Variants in DNAJC1 observed in about 807,000 individuals in gnomAD.
The protein encoded by DNAJC1 is DnaJ heat shock protein family (Hsp40) member C1.
Under a neutral mutation model 76.6 loss-of-function variants are expected in DNAJC1, and 58 were observed. That is an observed-to-expected ratio of 0.76 (90% CI 0.61 to 0.94). The LOEUF is 0.94. Among genes scored for constraint, DNAJC1 ranks in the 40% least tolerant of loss-of-function variants. DNAJC1 has a pLI of 0.00. For synonymous variants in DNAJC1, 258 were observed against 267.9 expected (o/e 0.96, Z 0.36); for missense variants, 689 against 677.3 (o/e 1.02, Z -0.19).
chr10:21,853,448 T>C (rs1835785915), intron 8 of DNAJC1, among the ~76,000 whole-genome samples: 2 of 152,132 alleles, frequency 1.3e-5, no homozygotes, highest in South Asian at 2.1e-4. Context: ...TTTATGGAAG[T>C]AGTCTGATAC....
intron 9 of DNAJC1, among the ~76,000 whole-genome samples, chr10:21,779,965 C>T (rs1270422984): frequency 3.3e-5 from 5 of 151,814 alleles, no homozygotes; most frequent in South Asian, 4.2e-4. Context: ...TTTCAGTAGC[C>T]GATTGGATCA....
intron 8 of DNAJC1, among the ~76,000 whole-genome samples, chr10:21,857,869 AC>A: frequency 6.6e-6 from 1 of 151,536 alleles, no homozygotes; most frequent in African/African-American, 2.4e-5. Flanking sequence ...AAACAAACAA[AC>A]AAACAAAAAA....
At chr10:21,761,230 T>C (rs1435320096) in intron 10 of DNAJC1, among the ~76,000 whole-genome samples, 1 of 152,128 alleles carries the variant, frequency 6.6e-6, no homozygotes. Context: ...TCTACAGTAA[T>C]GTTTCCTCTT....
chr10:21,859,188 A>G (rs912591530), intron 8 of DNAJC1, among the ~76,000 whole-genome samples: 6 of 152,296 alleles, frequency 3.9e-5, no homozygotes, highest in African/African-American at 1.2e-4. Context: ...CAAGAACTTA[A>G]GAAGGTTAAG....
intron 1 of DNAJC1, among the ~76,000 whole-genome samples, chr10:21,986,069 T>C (rs1162962435): frequency 6.6e-6 from 1 of 152,012 alleles, no homozygotes; most frequent in Admixed American, 6.6e-5. Flanking sequence ...CTACTAAAAA[T>C]ACAAAAAATT....
intron 1 of DNAJC1, among the ~76,000 whole-genome samples, chr10:21,974,422 C>T (rs1424529214): frequency 6.6e-6 from 1 of 152,146 alleles, no homozygotes; most frequent in Non-Finnish European, 1.5e-5. Context: ...ATTCTGGGTA[C>T]ATAATCCAGA....
At chr10:21,939,522 C>T (rs1837368360) in intron 1 of DNAJC1, among the ~76,000 whole-genome samples, 1 of 152,102 alleles carries the variant, frequency 6.6e-6, no homozygotes, top group South Asian at 2.1e-4. Flanking sequence ...AATCTTTTTA[C>T]TGTATTTTTA....
chr10:21,907,979 AATATATGAAAT>A lies in DNAJC1; in HGVS notation c.730-3378_730-3368del, dbSNP rs559480187. 8.7e-3 allele frequency among the ~76,000 whole-genome samples: 1,151 copies of A among 131,916 alleles called. 8 individuals carry two copies. The highest frequency in any genetic ancestry group is 0.018 in the African/African-American group (631 of 34,820). 86.5% of individuals were successfully genotyped at this position (131,916 alleles called of 152,430 possible). A position where few individuals can be genotyped will look rare whatever the true frequency, so the allele number is the denominator to read the frequency against. On this transcript the variant is annotated intron_variant, in intron 6 of 11. Transcript: ENST00000376980. ...GGCCACAGAGTGAGACTCTGTCTGA[AATATATGAAAT>A]ATATATGAAATATATTATATATAAT...
At position 21,883,251 on chromosome 10, in the gene DNAJC1, AACACACAC is replaced by A. The variant is rs3032395; in HGVS notation, c.821-820_821-813del. ...GGTGACAGAGTGAGATTCTATCTCA[AACACACAC>A]ACACACACACACACACACACACACA... On this transcript the variant is annotated intron_variant, in intron 7 of 11. Coordinates refer to ENST00000376980, the MANE Select transcript of DNAJC1 (RefSeq NM_022365.4). Among the ~76,000 whole-genome samples the A allele has an allele frequency of 9.1e-3, 1,180 of 129,006 alleles. 13 individuals are homozygous for A. Among genetic ancestry groups the A allele is most frequent in the African/African-American group, 0.03 (1,043 of 35,258 alleles). 84.6% of individuals were successfully genotyped at this position (129,006 alleles called of 152,430 possible).
chr10:21,841,875 A>G (rs2131679874), intron 8 of DNAJC1, among the ~76,000 whole-genome samples: 1 of 152,296 alleles, frequency 6.6e-6, no homozygotes. Context: ...AGACTGGATG[A>G]AGAAAATGTG....
rs1263351984 is a variant in DNAJC1 at position 21,796,258 on chromosome 10, C to T, written c.1098+9722G>A. 3.3e-5 allele frequency among the ~76,000 whole-genome samples: 5 copies of T among 152,280 alleles called. No homozygotes were observed. The South Asian group carries it at 1.0e-3, about 32-fold the overall frequency. ...GTGCTAGGATTACAGGTGTGAGCCA[C>T]CTCACCCGGCCATTCCTTCTTTTTC... On this transcript the variant is annotated intron_variant, in intron 9 of 11. Transcript: ENST00000376980.
rs562563990 is a variant in DNAJC1, at chr10:21,828,792, C to A, written c.979-22693G>T. On this transcript the variant is annotated intron_variant, in intron 8 of 11. Coordinates refer to ENST00000376980, the MANE Select transcript of DNAJC1 (RefSeq NM_022365.4). ...TAACTAAGTTCATATGCAATACTGA[C>A]CTACACTTTTTCTTTTTCATGATAC... Among the ~76,000 whole-genome samples the A allele has an allele frequency of 3.3e-5, 5 of 152,006 alleles. No homozygotes were observed. In the South Asian group the frequency reaches 1.0e-3, roughly 32 times the overall value.
At chr10:21,941,780 C>T (rs1180971454) in intron 1 of DNAJC1, among the ~76,000 whole-genome samples, 1 of 151,176 alleles carries the variant, frequency 6.6e-6, no homozygotes, top group East Asian at 1.9e-4. Flanking sequence ...TAATAGTGGC[C>T]TAGAATTTTC....
intron 1 of DNAJC1, among the ~76,000 whole-genome samples, chr10:21,934,827 C>G (rs992819669): frequency 6.6e-6 from 1 of 152,146 alleles, no homozygotes; most frequent in Non-Finnish European, 1.5e-5. Context: ...TTAAGCAATG[C>G]ATGACTATAT....
intron 1 of DNAJC1, among the ~76,000 whole-genome samples, chr10:21,959,785 CA>C (rs1192918880): frequency 1.5e-4 from 10 of 66,334 alleles, no homozygotes; most frequent in African/African-American, 2.8e-4. Flanking sequence ...GACTCCATCT[CA>C]AAAAAAACAA....
Position 21,771,025 on chromosome 10 carries a change from T to C in DNAJC1, c.1099-4716A>G, listed in dbSNP as rs910872483. Among the ~76,000 whole-genome samples the C allele has an allele frequency of 2.0e-4, 31 of 152,180 alleles. 1 individual carries two copies. The highest frequency in any genetic ancestry group is 7.5e-4 in the African/African-American group (31 of 41,462). On this transcript the variant is annotated intron_variant, in intron 9 of 11. Coordinates refer to ENST00000376980, the MANE Select transcript of DNAJC1 (RefSeq NM_022365.4). ...CAAAGTTAAAGTTTTTCACTTCTTTTAATTTATTCCTGAGTATTTTATTCT... is the reference window on the plus strand; with the variant it reads ...CAAAGTTAAAGTTTTTCACTTCTTTCAATTTATTCCTGAGTATTTTATTCT...
At chr10:21,979,617 A>G (rs1207016021) in intron 1 of DNAJC1, among the ~76,000 whole-genome samples, 1 of 152,070 alleles carries the variant, frequency 6.6e-6, no homozygotes, top group Non-Finnish European at 1.5e-5. Context: ...GAATACATGT[A>G]CTTGGATCTG....
At chr10:21,836,402 G>C (rs537991598) in intron 8 of DNAJC1, among the ~76,000 whole-genome samples, 4 of 152,272 alleles carry the variant, frequency 2.6e-5, no homozygotes, top group Non-Finnish European at 5.9e-5. Flanking sequence ...ATCAAGGCTA[G>C]GAAGAAACTG....
intron 8 of DNAJC1, among the ~76,000 whole-genome samples, chr10:21,879,350 G>A (rs1278084130): frequency 1.3e-5 from 2 of 152,092 alleles, no homozygotes; most frequent in South Asian, 2.1e-4. Context: ...TAAGCCAGGC[G>A]CGTTAGCTCA....
Sources: allele counts gnomAD v4.1 joint callset (sites outside exome capture counted in the v4.1 genomes callset), GRCh38; gene constraint gnomAD v4.1.1; transcripts MANE v1.5; gene names NCBI Gene and HGNC (gene_info 2026-07-23, HGNC 2026-07-21).